CHD2: variants seen among roughly 807,000 people sequenced by gnomAD.
CHD2 encodes the protein ATP-dependent chromatin remodeler CHD2.
In CHD2, 28 loss-of-function variants were observed where a neutral mutation model predicts 243.9. That is an observed-to-expected ratio of 0.11 (90% confidence interval 0.09 to 0.16). The LOEUF is 0.16. Among genes scored for constraint, CHD2 ranks in the 10% least tolerant of loss-of-function variants. The pLI, the probability that CHD2 is intolerant of heterozygous loss-of-function variation, is 1.00. For synonymous variants in CHD2, 775 were observed against 779.0 expected (o/e 0.99, Z 0.09); for missense variants, 1,386 against 2,209.8 (o/e 0.63, Z 7.47).
chr15:92,926,907 T>C (rs964738711), intron 3 of CHD2, among the ~76,000 whole-genome samples: 8 of 152,132 alleles, frequency 5.3e-5, no homozygotes, highest in Non-Finnish European at 1.0e-4. Context: ...CTCAAAGCAG[T>C]AGGGAATTTA....
In CHD2 at chr15:92,998,062, A is replaced by G. The variant is rs906530349; in HGVS notation, c.3886-437A>G. 1.1e-4 allele frequency: 50 copies of G among 435,452 alleles called. No individual in the cohort carries two copies. In the South Asian group the frequency reaches 3.3e-3, roughly 29 times the overall value. 27.0% of individuals were successfully genotyped at this position (435,452 alleles called of 1,614,324 possible). A position where few individuals can be genotyped will look rare whatever the true frequency, so the allele number is the denominator to read the frequency against. On this transcript the variant is annotated intron_variant, in intron 30 of 38. Coordinates refer to ENST00000394196, the MANE Select transcript of CHD2 (RefSeq NM_001271.4). This position sits in a 1 kb window ranked among gnomAD's most constrained non-coding sequence, Gnocchi z 5.1. ...GGCAAGAGACCCAGTTGTTGTAGCA[A>G]GGAACAGATCATGTCCTGGCGTAGC...
chr15:92,922,646 T>G (rs2052979748), intron 2 of CHD2, among the ~76,000 whole-genome samples: 2 of 152,322 alleles, frequency 1.3e-5, no homozygotes, highest in South Asian at 4.2e-4. Context: ...TCTCCTGGCT[T>G]CTGAACTCAG....
intron 36 of CHD2, among the ~76,000 whole-genome samples, chr15:93,014,188 T>A (rs1341343291): frequency 6.6e-6 from 1 of 152,122 alleles, no homozygotes; most frequent in Non-Finnish European, 1.5e-5. Context: ...AGGATTTGGG[T>A]CACTTTATTT....
chr15:92,979,901 G>A (rs990266871), intron 22 of CHD2, among the ~76,000 whole-genome samples: 1 of 150,678 alleles, frequency 6.6e-6, no homozygotes, highest in South Asian at 2.1e-4. Flanking sequence ...CTGGGCGACC[G>A]ATAATAATAA....
intron 28 of CHD2, 107 bp downstream of exon 28, chr15:92,993,105 G>A: frequency 9.0e-7 from 1 of 1,112,812 alleles, no homozygotes; most frequent in Non-Finnish European, 1.3e-6. Context: ...CACATGCCTA[G>A]TGATTTCAGG....
At chr15:92,959,139 A>G (rs2053653626) in intron 16 of CHD2, among the ~76,000 whole-genome samples, 1 of 152,236 alleles carries the variant, frequency 6.6e-6, no homozygotes, top group Non-Finnish European at 1.5e-5. Context: ...TGCTTTAGAT[A>G]TCATATCTGA....
intron 2 of CHD2, 99 bp downstream of exon 2, chr15:92,901,398 T>C: frequency 1.4e-6 from 1 of 737,426 alleles, no homozygotes; most frequent in South Asian, 1.6e-5. Context: ...GCTGTCTGTT[T>C]TATTGTGTTT....
intron 31 of CHD2, 104 bp from the exon 32 acceptor site, chr15:93,000,408 T>C: frequency 1.7e-6 from 2 of 1,183,232 alleles, no homozygotes; most frequent in Non-Finnish European, 2.3e-6. Context: ...TTTTCTTGTT[T>C]GAATTATATG....
intron 16 of CHD2, among the ~76,000 whole-genome samples, chr15:92,965,565 C>CAAAAAAAAAAAAA (rs61447848): frequency 1.4e-4 from 16 of 111,044 alleles, no homozygotes; most frequent in South Asian, 5.9e-4. Context: ...ACTCTTTCTC[C>CAAAAAAAAAAAAA]AAAAAAAAAA....
intron 33 of CHD2, among the ~76,000 whole-genome samples, chr15:93,002,684 G>A (rs1266821060): frequency 6.6e-6 from 1 of 152,196 alleles, no homozygotes; most frequent in Non-Finnish European, 1.5e-5. Flanking sequence ...TACTTGAAGA[G>A]TTTGAGTCAA....
intron 37 of CHD2, among the ~76,000 whole-genome samples, chr15:93,016,717 G>C (rs2054464967): frequency 6.9e-6 from 1 of 145,666 alleles, no homozygotes. Context: ...GGGAGGTGGA[G>C]GTTGCGGTGA....
At chr15:93,016,514 C>G (rs2054462215) in intron 37 of CHD2, among the ~76,000 whole-genome samples, 1 of 151,984 alleles carries the variant, frequency 6.6e-6, no homozygotes, top group East Asian at 1.9e-4. Context: ...TGAGCCATTC[C>G]ATAATGTATA....
At chr15:93,019,465 A>G (rs1251134694) in intron 37 of CHD2, among the ~76,000 whole-genome samples, 1 of 152,184 alleles carries the variant, frequency 6.6e-6, no homozygotes, top group African/African-American at 2.4e-5. Flanking sequence ...AATGTTTAGG[A>G]GTCATTACTG....
chr15:92,947,033 T>C, intron 12 of CHD2: 1 of 152,222 alleles, frequency 6.6e-6, no homozygotes, highest in East Asian at 1.9e-4. Context: ...CTAGATTGGC[T>C]GAATAAATCC....
rs544459910 is a variant in CHD2, at chr15:92,957,475, A to G, written c.2000+826A>G. The stretch of plus-strand genomic sequence containing the variant: ...CCCTAACCTGTTTTAGTGTCTATAT[A>G]GCATCTCTTTTTACATTTATGTTCT... On this transcript the variant is annotated intron_variant, in intron 16 of 38. Coordinates refer to ENST00000394196, the MANE Select transcript of CHD2 (RefSeq NM_001271.4). 2.5e-4 allele frequency among the ~76,000 whole-genome samples: 38 copies of G among 152,288 alleles called. 1 individual carries two copies. The South Asian group carries it at 7.5e-3, about 30-fold the overall frequency.
intron 9 of CHD2, chr15:92,943,949 A>T (rs1342716672): frequency 6.6e-6 from 1 of 152,264 alleles, no homozygotes; most frequent in Non-Finnish European, 1.5e-5. Flanking sequence ...AATCCTCTGA[A>T]ATATAATAAT....
At chr15:92,981,837 T>G (rs2141847667) in intron 24 of CHD2, among the ~76,000 whole-genome samples, 1 of 152,330 alleles carries the variant, frequency 6.6e-6, no homozygotes, top group South Asian at 2.1e-4. Flanking sequence ...AAGGTTCTGA[T>G]GACTTGGTGA....
chr15:92,993,478 C>T (rs112141760), intron 28 of CHD2, among the ~76,000 whole-genome samples: 3 of 152,288 alleles, frequency 2.0e-5, no homozygotes, highest in Admixed American at 6.5e-5. Flanking sequence ...TTTCATGCCA[C>T]TAGAATTTGT....
At position 92,924,298 on chromosome 15, in the gene CHD2, ATCTC is replaced by A. The variant is rs749583665; in HGVS notation, c.63-12_63-9del. The A allele has an allele frequency of 2.2e-5, 35 of 1,588,840 alleles. No individual in the cohort carries two copies. The highest frequency in any genetic ancestry group is 2.8e-5 in the Non-Finnish European group (32 of 1,159,584). The stretch of plus-strand genomic sequence containing the variant: ...TGTGTCAGTTCTTAAATATTTTTAA[ATCTC>A]TCTCTCTCTCAAAATAAGTCACTCA... On this transcript the variant is annotated intron_variant, in intron 2 of 38. Transcript: ENST00000394196.
Sources: allele counts gnomAD v4.1 joint callset (sites outside exome capture counted in the v4.1 genomes callset), GRCh38; gene constraint gnomAD v4.1.1; non-coding constraint Gnocchi (gnomAD v3.1); transcripts MANE v1.5; gene names NCBI Gene and HGNC (gene_info 2026-07-23, HGNC 2026-07-21).